Variants in MYO18B observed in about 807,000 individuals in gnomAD.
The protein encoded by MYO18B is myosin XVIIIB, also known as unconventional myosin-XVIIIb.
A neutral mutation model predicts 273.0 loss-of-function variants in MYO18B; 204 were observed. The observed-to-expected ratio is 0.75, with a 90% CI of 0.67 to 0.84. MYO18B has a LOEUF of 0.84. MYO18B is among the 40% of genes least tolerant of loss of function. The probability of loss-of-function intolerance (pLI) is 0.00; values close to 1 mark genes in which losing one functional copy is unlikely to be tolerated. For synonymous variants in MYO18B, 1,330 were observed against 1,305.7 expected (o/e 1.02, Z -0.40); for missense variants, 3,212 against 3,287.6 (o/e 0.98, Z 0.56).
At chr22:26,022,270 G>GAA (rs11448415) in intron 42 of MYO18B, among the ~76,000 whole-genome samples, 9,043 of 138,092 alleles carry the variant, frequency 0.065, 429 homozygotes, top group Admixed American at 0.17. Context: ...AGGACAGCTA[G>GAA]AAAAAAAAAA....
chr22:25,888,207 C>T (rs1406555533), intron 25 of MYO18B, among the ~76,000 whole-genome samples: 3 of 152,128 alleles, frequency 2.0e-5, no homozygotes, highest in African/African-American at 7.2e-5. Flanking sequence ...AATGTAGATT[C>T]CTGAATTATG....
intron 18 of MYO18B, among the ~76,000 whole-genome samples, chr22:25,844,813 AG>A (rs1198972049): frequency 1.3e-5 from 2 of 152,220 alleles, no homozygotes; most frequent in African/African-American, 4.8e-5. Context: ...CTGGGGCAAC[AG>A]GAGTTGCGAG....
At chr22:26,029,909 A>T (rs796111030) in intron 43 of MYO18B, among the ~76,000 whole-genome samples, 23 of 152,324 alleles carry the variant, frequency 1.5e-4, no homozygotes, top group African/African-American at 5.5e-4. Context: ...GATGCAGTAA[A>T]TGCCAGGTTA....
intron 27 of MYO18B, chr22:25,892,159 G>T (rs1261224494): frequency 6.6e-6 from 1 of 152,224 alleles, no homozygotes; most frequent in African/African-American, 2.4e-5. Context: ...GATTGTCTTG[G>T]ATAATTGATA....
intron 34 of MYO18B, among the ~76,000 whole-genome samples, chr22:25,938,481 A>G (rs1203604660): frequency 6.6e-6 from 1 of 152,202 alleles, no homozygotes; most frequent in Non-Finnish European, 1.5e-5. Flanking sequence ...AACCACTAGC[A>G]CACAAGTCTG....
intron 34 of MYO18B, among the ~76,000 whole-genome samples, chr22:25,927,122 G>A (rs368623962): frequency 2.6e-4 from 40 of 152,298 alleles, no homozygotes; most frequent in African/African-American, 8.2e-4. Context: ...TGTACAGCAT[G>A]TGTGCTTGAG....
intron 33 of MYO18B, among the ~76,000 whole-genome samples, chr22:25,916,802 T>C (rs1401346870): frequency 7.2e-5 from 11 of 152,120 alleles, no homozygotes; most frequent in African/African-American, 2.7e-4. Context: ...GAGGCCAAGG[T>C]GGGCAGATCA....
chr22:25,865,387 T>C (rs1601398355), intron 21 of MYO18B, among the ~76,000 whole-genome samples: 1 of 151,946 alleles, frequency 6.6e-6, no homozygotes. Flanking sequence ...GGAAAAGGAG[T>C]CTCAGTTATG....
intron 25 of MYO18B, 101 bp downstream of exon 25, chr22:25,878,149 C>T (rs1300505183): frequency 2.6e-5 from 24 of 932,934 alleles, no homozygotes; most frequent in Non-Finnish European, 3.5e-5. Context: ...ATGCTAATTG[C>T]TTTACAAGCA....
chr22:25,884,636 A>G (rs1337229569), intron 25 of MYO18B: 7 of 152,200 alleles, frequency 4.6e-5, no homozygotes, highest in African/African-American at 1.7e-4. Context: ...CGAGTCCATA[A>G]TCTCTTCTCT....
intron 12 of MYO18B, among the ~76,000 whole-genome samples, chr22:25,805,826 C>T (rs896303453): frequency 4.6e-5 from 7 of 152,162 alleles, no homozygotes; most frequent in African/African-American, 7.2e-5. Flanking sequence ...TGTCCTCTCC[C>T]GCTGTCCCTA....
chr22:25,852,692 G>A (rs746073076), intron 21 of MYO18B, among the ~76,000 whole-genome samples: 2 of 152,216 alleles, frequency 1.3e-5, no homozygotes, highest in Non-Finnish European at 2.9e-5. Context: ...CACTCCTGAG[G>A]CCACACAGCC....
chr22:25,978,783 G>T (rs2093120160), intron 39 of MYO18B, among the ~76,000 whole-genome samples: 1 of 152,136 alleles, frequency 6.6e-6, no homozygotes, highest in Non-Finnish European at 1.5e-5. Flanking sequence ...GCAAAACCTT[G>T]TCTCTACTGA....
chr22:25,807,140 G>A (rs1038710115), intron 12 of MYO18B, among the ~76,000 whole-genome samples: 3 of 152,200 alleles, frequency 2.0e-5, no homozygotes, highest in Non-Finnish European at 4.4e-5. Flanking sequence ...CCTCTCAGAG[G>A]TGTGGCTCCT....
At chr22:26,008,389 G>A (rs1217400585) in intron 42 of MYO18B, among the ~76,000 whole-genome samples, 2 of 152,126 alleles carry the variant, frequency 1.3e-5, no homozygotes, top group East Asian at 1.9e-4. Flanking sequence ...ATTTATACCC[G>A]CTCCCATATT....
intron 1 of MYO18B, among the ~76,000 whole-genome samples, chr22:25,753,154 T>C (rs1378015983): frequency 6.6e-6 from 1 of 150,738 alleles, no homozygotes; most frequent in Non-Finnish European, 1.5e-5. Context: ...CAAGCGCTGA[T>C]CAGTGCGGGA....
intron 1 of MYO18B, among the ~76,000 whole-genome samples, 182 bp from the exon 2 acceptor site, chr22:25,760,802 C>T (rs1836065073): frequency 2.0e-5 from 3 of 152,204 alleles, no homozygotes; most frequent in South Asian, 2.1e-4. Flanking sequence ...CTGTTCACTC[C>T]GCGGCCTGCA....
intron 40 of MYO18B, among the ~76,000 whole-genome samples, chr22:25,996,148 G>A (rs1426734488): frequency 6.6e-6 from 1 of 152,146 alleles, no homozygotes; most frequent in East Asian, 1.9e-4. Flanking sequence ...GCGTGACCTT[G>A]GACAAGTTAT....
intron 12 of MYO18B, among the ~76,000 whole-genome samples, chr22:25,819,100 G>T (rs2089165902): frequency 6.6e-6 from 1 of 152,118 alleles, no homozygotes; most frequent in Admixed American, 6.5e-5. Flanking sequence ...AAAGATAGAA[G>T]AATCCATGGG....
Sources: gnomAD v4.1 joint callset for allele counts (sites outside exome capture counted in the v4.1 genomes callset) on GRCh38, gnomAD v4.1.1 for gene constraint, MANE v1.5 for transcripts, NCBI Gene and HGNC (gene_info 2026-07-23, HGNC 2026-07-21) for gene names.